AGBL1: variants seen among roughly 807,000 people sequenced by gnomAD.
AGBL1 encodes AGBL carboxypeptidase 1.
In AGBL1, 130 loss-of-function variants were observed where a neutral mutation model predicts 118.9. The observed-to-expected ratio is 1.09, with a 90% confidence interval of 0.95 to 1.26. The LOEUF (loss-of-function observed/expected upper bound fraction) is 1.26, where lower values mean the gene tolerates loss of function less well. Among genes scored for constraint, AGBL1 ranks in the 50% most tolerant of loss-of-function variants. The pLI, the probability that AGBL1 is intolerant of heterozygous loss-of-function variation, is 0.00. For synonymous variants in AGBL1, 555 were observed against 478.9 expected, an observed-to-expected ratio of 1.16 and a Z score of -2.08; for missense variants, 1,584 against 1,298.1, an observed-to-expected ratio of 1.22 and a Z score of -3.38.
Position 86,552,366 on chromosome 15 carries a change from T to G in AGBL1, c.2818-1995T>G, listed in dbSNP as rs535314015. ...AGAACCTATGGAAGAAAAAAATGGT[T>G]TCACTTAAGTAAAAAAGGAAAAGTC... is the stretch of plus-strand genomic sequence containing the variant. On this transcript the variant is annotated intron_variant, in intron 20 of 22. Transcript: ENST00000614907. Among the ~76,000 whole-genome samples the G allele has an allele frequency of 7.2e-5, 11 of 152,296 alleles. No individual in the cohort carries two copies. The East Asian group carries it at 2.1e-3, about 29-fold the overall frequency.
At chr15:86,714,644 G>C (rs983040642) in intron 22 of AGBL1, among the ~76,000 whole-genome samples, 1 of 152,170 alleles carries the variant, frequency 6.6e-6, no homozygotes, top group African/African-American at 2.4e-5. Flanking sequence ...GCATGATTCA[G>C]CTTTCCTGAC....
chr15:86,261,378 A>C (rs1258143707), intron 9 of AGBL1, among the ~76,000 whole-genome samples: 1 of 152,190 alleles, frequency 6.6e-6, no homozygotes, highest in East Asian at 1.9e-4. Context: ...GGGGCCATGG[A>C]GTTGGTCATG....
intron 1 of AGBL1, among the ~76,000 whole-genome samples, chr15:86,117,628 A>G (rs752770318): frequency 1.3e-5 from 2 of 152,236 alleles, no homozygotes; most frequent in African/African-American, 2.4e-5. Context: ...TGCAATGATT[A>G]ACACTTCACG....
intron 5 of AGBL1, among the ~76,000 whole-genome samples, chr15:86,223,297 G>A (rs925399579): frequency 6.6e-6 from 1 of 152,142 alleles, no homozygotes; most frequent in Non-Finnish European, 1.5e-5. Context: ...CTAGGATTGG[G>A]TTAGGCGCCT....
intron 19 of AGBL1, among the ~76,000 whole-genome samples, chr15:86,541,777 A>G (rs2083500873): frequency 6.6e-6 from 1 of 152,032 alleles, no homozygotes; most frequent in Non-Finnish European, 1.5e-5. Flanking sequence ...GCCTCTAGAG[A>G]CTGAGCCAAT....
chr15:86,346,403 G>A (rs1428280921), intron 17 of AGBL1, among the ~76,000 whole-genome samples: 3 of 148,276 alleles, frequency 2.0e-5, no homozygotes, highest in Non-Finnish European at 4.5e-5. Flanking sequence ...CTGGGGTGCA[G>A]TGGCGTGATC....
chr15:86,379,247 A>G (rs2081080726), intron 17 of AGBL1, among the ~76,000 whole-genome samples: 1 of 136,748 alleles, frequency 7.3e-6, no homozygotes, highest in Admixed American at 7.8e-5. Flanking sequence ...CCCTCTGACT[A>G]CCTGAAAAAA....
At chr15:86,209,238 A>C (rs1353966912) in intron 5 of AGBL1, among the ~76,000 whole-genome samples, 2 of 152,152 alleles carry the variant, frequency 1.3e-5, no homozygotes, top group African/African-American at 4.8e-5. Context: ...ACTTCCAATT[A>C]TGTGGTCTAT....
chr15:86,290,577 C>A (rs1443012312), intron 16 of AGBL1, among the ~76,000 whole-genome samples: 1 of 151,850 alleles, frequency 6.6e-6, no homozygotes, highest in Non-Finnish European at 1.5e-5. Context: ...GTCTTGAACT[C>A]CTGAGCTTAA....
chr15:86,447,199 A>G (rs1031478938), intron 18 of AGBL1, among the ~76,000 whole-genome samples: 1 of 152,202 alleles, frequency 6.6e-6, no homozygotes. Context: ...CCTCTTCTCC[A>G]CCATGTGGTT....
chr15:86,266,519 A>G, intron 12 of AGBL1, 62 bp downstream of exon 12: 1 of 1,187,910 alleles, frequency 8.4e-7, no homozygotes. Context: ...TGGCATGAGA[A>G]TAGACATGTT....
chr15:86,646,359 TAGG>T lies in AGBL1; in HGVS notation c.2995-27912_2995-27910del, dbSNP rs2085279537. ...TGGCTATTAGCAGGTTTCCTGAAAA[TAGG>T]AATGTTAGACCCTAGACAGTCCTTC... On this transcript the variant is annotated intron_variant, in intron 21 of 22. Coordinates refer to ENST00000614907, the MANE Select transcript of AGBL1 (RefSeq NM_001386094.1). Among the ~76,000 whole-genome samples, 11 of 152,326 alleles carry T rather than the reference TAGG, an allele frequency of 7.2e-5. No homozygotes were observed. The South Asian group carries it at 2.3e-3, about 32-fold the overall frequency.
intron 23 of AGBL1, among the ~76,000 whole-genome samples, chr15:86,961,830 A>C (rs1410174761): frequency 1.3e-5 from 2 of 152,026 alleles, no homozygotes; most frequent in East Asian, 3.9e-4. Context: ...TATGCCTAAG[A>C]TATTGCCTCT....
At chr15:86,990,030 A>G (rs1046316837) in intron 24 of AGBL1, among the ~76,000 whole-genome samples, 5 of 152,198 alleles carry the variant, frequency 3.3e-5, no homozygotes, top group Non-Finnish European at 7.3e-5. Context: ...CTTGGGGGCC[A>G]TGGCCAGAAC....
intron 22 of AGBL1, among the ~76,000 whole-genome samples, chr15:86,736,280 T>C (rs1415387986): frequency 6.6e-6 from 1 of 151,832 alleles, no homozygotes. Context: ...CTCAGGAGGC[T>C]GAGGCAGGAG....
intron 21 of AGBL1, among the ~76,000 whole-genome samples, chr15:86,581,549 A>T (rs534583590): frequency 3.9e-4 from 60 of 152,322 alleles, no homozygotes; most frequent in African/African-American, 1.4e-3. Flanking sequence ...TCATCATTTT[A>T]TCATTCATTT....
chr15:86,504,998 A>G (rs1045945246), intron 18 of AGBL1, among the ~76,000 whole-genome samples: 12 of 151,706 alleles, frequency 7.9e-5, no homozygotes, highest in African/African-American at 2.9e-4. Context: ...AAACAAATTA[A>G]TTTCTCCGTT....
chr15:86,995,282 A>G (rs1034222045), intron 24 of AGBL1, among the ~76,000 whole-genome samples: 3 of 152,098 alleles, frequency 2.0e-5, no homozygotes, highest in Non-Finnish European at 2.9e-5. Context: ...AACTATCAGG[A>G]GGCTGAGGTG....
At chr15:86,651,384 G>C (rs910975127) in intron 21 of AGBL1, among the ~76,000 whole-genome samples, 1 of 152,182 alleles carries the variant, frequency 6.6e-6, no homozygotes, top group Admixed American at 6.5e-5. Flanking sequence ...GTATCAAAGA[G>C]ATAATTCAAA....
Sources: gnomAD v4.1 joint callset for allele counts (sites outside exome capture counted in the v4.1 genomes callset) on GRCh38, gnomAD v4.1.1 for gene constraint, MANE v1.5 for transcripts, NCBI Gene and HGNC (gene_info 2026-07-23, HGNC 2026-07-21) for gene names.